The following HSD17B2 variants were observed in gnomAD, a reference collection of about 807,000 sequenced individuals.
HSD17B2 encodes hydroxysteroid 17-beta dehydrogenase 2.
In HSD17B2, 32 loss-of-function variants were observed where a neutral mutation model predicts 26.9. That is an observed-to-expected ratio of 1.19 (90% confidence interval 0.90 to 1.60). HSD17B2 has a LOEUF of 1.60. HSD17B2 is among the 40% of genes most tolerant of loss of function. HSD17B2 has a pLI of 0.00. For missense variants in HSD17B2, 613 were observed against 468.6 expected, an observed-to-expected ratio of 1.31 and a Z score of -2.85; for synonymous variants, 246 against 186.7, an observed-to-expected ratio of 1.32 and a Z score of -2.59.
chr16:82,075,213 C>G (rs910967846), intron 3 of HSD17B2, among the ~76,000 whole-genome samples: 1 of 152,032 alleles, frequency 6.6e-6, no homozygotes, highest in African/African-American at 2.4e-5. Context: ...AAGAGGGAAG[C>G]TGGCTACCGG....
intron 3 of HSD17B2, among the ~76,000 whole-genome samples, chr16:82,077,513 G>A (rs1223286775): frequency 1.3e-5 from 2 of 152,152 alleles, no homozygotes; most frequent in Non-Finnish European, 2.9e-5. Flanking sequence ...TGGATTGCTT[G>A]AGTCCAGGAG....
chr16:82,058,429 C>A (rs1914337690), intron 1 of HSD17B2, among the ~76,000 whole-genome samples: 1 of 152,118 alleles, frequency 6.6e-6, no homozygotes, highest in Non-Finnish European at 1.5e-5. Flanking sequence ...TCGGTACTAG[C>A]TTTCTGATTT....
intron 3 of HSD17B2, among the ~76,000 whole-genome samples, chr16:82,085,815 G>A (rs928616242): frequency 1.3e-5 from 2 of 152,088 alleles, no homozygotes; most frequent in Non-Finnish European, 2.9e-5. Context: ...TTTCAAGCTT[G>A]AGATGCATCA....
intron 1 of HSD17B2, among the ~76,000 whole-genome samples, chr16:82,046,587 G>A (rs945089194): frequency 2.0e-5 from 3 of 152,060 alleles, no homozygotes; most frequent in Non-Finnish European, 2.9e-5. Context: ...GACGGGCATG[G>A]TGGTGGGCAC....
chr16:82,050,399 T>C (rs2143936703), intron 1 of HSD17B2, among the ~76,000 whole-genome samples: 1 of 152,188 alleles, frequency 6.6e-6, no homozygotes, highest in South Asian at 2.1e-4. Context: ...CACCTAGATA[T>C]GTCCACGGCT....
chr16:82,097,347 GT>G (rs1904878033), intron 4 of HSD17B2: 1 of 36,418 alleles, frequency 2.7e-5, no homozygotes, highest in African/African-American at 6.5e-5. Flanking sequence ...CATTATATAT[GT>G]GTACACACAC....
intron 1 of HSD17B2, among the ~76,000 whole-genome samples, chr16:82,046,425 T>A (rs1913930356): frequency 6.6e-6 from 1 of 152,056 alleles, no homozygotes; most frequent in African/African-American, 2.4e-5. Context: ...ATAAGATAAT[T>A]TAAAAAAATA....
intron 1 of HSD17B2, among the ~76,000 whole-genome samples, chr16:82,041,453 CTTAA>C (rs758028997): frequency 6.6e-6 from 1 of 152,202 alleles, no homozygotes; most frequent in South Asian, 2.1e-4. Flanking sequence ...TCTGTAGTGA[CTTAA>C]TTGTTGGCTT....
intron 3 of HSD17B2, among the ~76,000 whole-genome samples, chr16:82,085,794 C>G (rs899671452): frequency 6.6e-6 from 1 of 151,982 alleles, no homozygotes; most frequent in Non-Finnish European, 1.5e-5. Flanking sequence ...GTACTAATCC[C>G]CGGACCACAT....
At chr16:82,051,903 T>C (rs1914119549) in intron 1 of HSD17B2, among the ~76,000 whole-genome samples, 1 of 152,186 alleles carries the variant, frequency 6.6e-6, no homozygotes, top group African/African-American at 2.4e-5. Flanking sequence ...AACTGTGTAA[T>C]CTTCCCTGCT....
At chr16:82,073,303 C>T (rs1280787419) in intron 3 of HSD17B2, among the ~76,000 whole-genome samples, 2 of 151,904 alleles carry the variant, frequency 1.3e-5, no homozygotes, top group Non-Finnish European at 2.9e-5. Flanking sequence ...CGGCTCACTG[C>T]AAGCTCCGCC....
intron 1 of HSD17B2, among the ~76,000 whole-genome samples, chr16:82,062,531 C>G (rs1195901582): frequency 6.6e-6 from 1 of 152,098 alleles, no homozygotes; most frequent in Non-Finnish European, 1.5e-5. Flanking sequence ...TATTTTATAC[C>G]CCAGTTGTTT....
chr16:82,076,643 C>T (rs980039329), intron 3 of HSD17B2, among the ~76,000 whole-genome samples: 10 of 152,306 alleles, frequency 6.6e-5, no homozygotes, highest in South Asian at 2.1e-4. Flanking sequence ...GGCGTGATCT[C>T]GGCTCACTGC....
chr16:82,057,131 A>G (rs1914292055), intron 1 of HSD17B2, among the ~76,000 whole-genome samples: 2 of 152,184 alleles, frequency 1.3e-5, no homozygotes, highest in African/African-American at 2.4e-5. Flanking sequence ...CCTGTGCAGA[A>G]TTCCAAATAA....
chr16:82,075,277 A>T (rs1410014823), intron 3 of HSD17B2, among the ~76,000 whole-genome samples: 1 of 152,136 alleles, frequency 6.6e-6, no homozygotes, highest in Non-Finnish European at 1.5e-5. Flanking sequence ...AAACCTAGTG[A>T]TGCATCTCAA....
chr16:82,082,820 G>A (rs928157327), intron 3 of HSD17B2, among the ~76,000 whole-genome samples: 3 of 152,120 alleles, frequency 2.0e-5, no homozygotes, highest in Non-Finnish European at 4.4e-5. Flanking sequence ...ATGCTCTCAG[G>A]TATATGACCC....
intron 3 of HSD17B2, 188 bp downstream of exon 3, chr16:82,071,315 G>A (rs749998417): frequency 9.0e-6 from 6 of 664,076 alleles, no homozygotes; most frequent in Admixed American, 8.7e-5. Context: ...CTTTCATGTA[G>A]AAACTCTTAT....
intron 1 of HSD17B2, among the ~76,000 whole-genome samples, chr16:82,051,283 T>C (rs531050336): frequency 5.3e-5 from 8 of 152,324 alleles, no homozygotes; most frequent in Admixed American, 5.2e-4. Context: ...AAGAAATGCA[T>C]GCACGCATGA....
At chr16:82,039,248 TACAC>T (rs56169712) in intron 1 of HSD17B2, among the ~76,000 whole-genome samples, 200 of 145,394 alleles carry the variant, frequency 1.4e-3, no homozygotes, top group African/African-American at 4.4e-3. Context: ...TGGAAAATAA[TACAC>T]ACACACACAC....
Sources: allele counts gnomAD v4.1 joint callset (sites outside exome capture counted in the v4.1 genomes callset), GRCh38; gene constraint gnomAD v4.1.1; transcripts MANE v1.5; gene names NCBI Gene and HGNC (gene_info 2026-07-23, HGNC 2026-07-21).